GLIS3: variants seen among roughly 807,000 people sequenced by gnomAD.
GLIS3 encodes zinc finger protein GLIS3.
Under a neutral mutation model 78.6 loss-of-function variants are expected in GLIS3, and 53 were observed. The ratio of observed to expected loss-of-function variants is 0.67; its 90% CI spans 0.54 to 0.85. GLIS3 has a LOEUF of 0.85. GLIS3 is among the 40% of genes least tolerant of loss of function. The pLI, the probability that GLIS3 is intolerant of heterozygous loss-of-function variation, is 0.00. For missense variants in GLIS3, 1,703 were observed against 1,231.1 expected (o/e 1.38, Z -5.74); for synonymous variants, 684 against 509.9 (o/e 1.34, Z -4.60).
chr9:4,453,374 A>G, the GLIS3 span, among the ~76,000 whole-genome samples: 1 of 150,786 alleles, frequency 6.6e-6, no homozygotes, highest in African/African-American at 2.4e-5. Flanking sequence ...AGAAAAAACT[A>G]CCATCAGAAT....
intron 2 of GLIS3, among the ~76,000 whole-genome samples, chr9:4,330,823 A>G (rs1817674358): frequency 6.6e-6 from 1 of 152,190 alleles, no homozygotes; most frequent in Non-Finnish European, 1.5e-5. Flanking sequence ...GAGACTTTTC[A>G]GAATCATCCA....
At chr9:4,303,855 T>C (rs777978972), upstream of GLIS3, among the ~76,000 whole-genome samples, 2 of 152,202 alleles carry the variant, frequency 1.3e-5, no homozygotes, top group Non-Finnish European at 2.9e-5. Context: ...AATTCATAGA[T>C]AAATACAATA....
intron 7 of GLIS3, among the ~76,000 whole-genome samples, chr9:3,881,044 A>C (rs1181129849): frequency 6.6e-6 from 1 of 152,162 alleles, no homozygotes; most frequent in African/African-American, 2.4e-5. Flanking sequence ...CAAACTCACT[A>C]GAGTCACCTT....
chr9:4,072,263 G>C (rs935274336), intron 4 of GLIS3, among the ~76,000 whole-genome samples: 3 of 152,074 alleles, frequency 2.0e-5, no homozygotes, highest in Non-Finnish European at 4.4e-5. Context: ...CTAAGTATAG[G>C]CTCACATACA....
At chr9:4,184,592 A>G (rs1454258569) in intron 2 of GLIS3, among the ~76,000 whole-genome samples, 1 of 152,180 alleles carries the variant, frequency 6.6e-6, no homozygotes, top group Non-Finnish European at 1.5e-5. Context: ...GTGTTTGCTT[A>G]AAAGAGAGAG....
chr9:4,249,956 C>G (rs1485209700), intron 2 of GLIS3, among the ~76,000 whole-genome samples: 2 of 152,114 alleles, frequency 1.3e-5, no homozygotes, highest in Non-Finnish European at 2.9e-5. Context: ...GCCTTGTATC[C>G]TAGGGATGAA....
At chr9:4,207,128 T>C (rs1211844106) in intron 2 of GLIS3, among the ~76,000 whole-genome samples, 3 of 152,172 alleles carry the variant, frequency 2.0e-5, no homozygotes, top group African/African-American at 4.8e-5. Context: ...CATAATGGTA[T>C]GTGGAGAATA....
the GLIS3 span, among the ~76,000 whole-genome samples, chr9:4,353,767 A>G: frequency 6.6e-6 from 1 of 152,080 alleles, no homozygotes; most frequent in Non-Finnish European, 1.5e-5. Flanking sequence ...ACAAAGATGT[A>G]TGTTCTGAAT....
rs144441491 is a variant in GLIS3 at position 3,904,035 on chromosome 9, G to C, written c.1984-5200C>G. On this transcript the variant is annotated intron_variant, in intron 6 of 10. Coordinates refer to ENST00000381971, the MANE Select transcript of GLIS3 (RefSeq NM_001042413.2). ...GGTACAATAGGAAACTCTTACAGGGGCTCCACCATAAATATCCACAGTCTC... is the reference window on the plus strand; with the variant it reads ...GGTACAATAGGAAACTCTTACAGGGCCTCCACCATAAATATCCACAGTCTC... 9.4e-3 allele frequency among the ~76,000 whole-genome samples: 1,437 copies of C among 152,216 alleles called. 10 individuals are homozygous for C. The highest frequency in any genetic ancestry group is 0.02 in the Middle Eastern group (6 of 294).
rs139616234 is a variant in GLIS3, at chr9:3,871,660, C to T, written c.2297+7767G>A. 8.3e-4 allele frequency among the ~76,000 whole-genome samples: 126 copies of T among 152,278 alleles called. 1 individual carries two copies. Among genetic ancestry groups the T allele is most frequent in the African/African-American group, 2.6e-3 (107 of 41,550 alleles). ...TCAGCCATTGCTTGAGTGGCTGGGA[C>T]GCAGGGCACCAAGTCCCTAGGCTGC... On this transcript the variant is annotated intron_variant, in intron 8 of 10. Coordinates refer to ENST00000381971, the MANE Select transcript of GLIS3 (RefSeq NM_001042413.2).
At chr9:4,298,495 C>T in intron 1 of GLIS3, 1 of 441,564 alleles carries the variant, frequency 2.3e-6, no homozygotes, top group Non-Finnish European at 4.6e-6. Flanking sequence ...TAACTTGGAA[C>T]TGTCGCTCGG....
chr9:4,485,011 TGGGGGGGTG>T, the GLIS3 span, among the ~76,000 whole-genome samples: 2 of 41,562 alleles, frequency 4.8e-5, no homozygotes, highest in Non-Finnish European at 9.8e-5. Flanking sequence ...TTCCTTTTTT[TGGGGGGGTG>T]GGGGTGGTGG....
chr9:4,193,981 T>C (rs2131230601), intron 2 of GLIS3, among the ~76,000 whole-genome samples: 1 of 152,376 alleles, frequency 6.6e-6, no homozygotes, highest in Non-Finnish European at 1.5e-5. Context: ...CATCTTTACC[T>C]AACAATGTTT....
the GLIS3 span, among the ~76,000 whole-genome samples, chr9:4,380,425 CAG>C: frequency 2.6e-4 from 40 of 152,272 alleles, 1 homozygote; most frequent in Middle Eastern, 3.4e-3. Flanking sequence ...CAGGTGACAA[CAG>C]AGTATTGTTA....
chr9:3,996,995 A>C (rs1820793212), intron 4 of GLIS3, among the ~76,000 whole-genome samples: 2 of 152,218 alleles, frequency 1.3e-5, no homozygotes, highest in African/African-American at 4.8e-5. Context: ...TAATACCATA[A>C]TCACTAAAAC....
At chr9:4,049,999 G>A (rs534186533) in intron 4 of GLIS3, among the ~76,000 whole-genome samples, 3 of 152,242 alleles carry the variant, frequency 2.0e-5, no homozygotes, top group East Asian at 3.9e-4. Flanking sequence ...CACTGTTGGT[G>A]GGACTGTAAA....
intron 2 of GLIS3, among the ~76,000 whole-genome samples, chr9:4,346,334 A>G (rs1817896485): frequency 6.6e-6 from 1 of 152,170 alleles, no homozygotes; most frequent in Admixed American, 6.5e-5. Context: ...TACAATACAT[A>G]CAAAGCTTCA....
chr9:4,465,458 A>G, the GLIS3 span, among the ~76,000 whole-genome samples: 82 of 152,350 alleles, frequency 5.4e-4, 1 homozygote, highest in Non-Finnish European at 9.6e-4. Flanking sequence ...CGGAGGCACA[A>G]GAATCTCTTG....
chr9:4,408,620 G>A, the GLIS3 span, among the ~76,000 whole-genome samples: 6 of 146,190 alleles, frequency 4.1e-5, no homozygotes, highest in Non-Finnish European at 7.5e-5. Context: ...CCAGGTACTC[G>A]GGAGGCTGAG....
Sources: allele counts gnomAD v4.1 joint callset (sites outside exome capture counted in the v4.1 genomes callset), GRCh38; gene constraint gnomAD v4.1.1; transcripts MANE v1.5; gene names NCBI Gene and HGNC (gene_info 2026-07-23, HGNC 2026-07-21).